The following RASA2 variants were observed in gnomAD, a reference collection of about 807,000 sequenced individuals.
RASA2 encodes ras GTPase-activating protein 2.
Under a neutral mutation model 118.2 loss-of-function variants are expected in RASA2, and 155 were observed. The ratio of observed to expected loss-of-function variants is 1.31; its 90% CI spans 1.15 to 1.50. RASA2 has a LOEUF of 1.50. Ranked by LOEUF, RASA2 falls within the 40% of genes most tolerant of loss-of-function variation. The probability of loss-of-function intolerance (pLI) is 0.00; values close to 1 mark genes in which losing one functional copy is unlikely to be tolerated. For synonymous variants in RASA2, 353 were observed against 349.1 expected (o/e 1.01, Z -0.12); for missense variants, 1,016 against 1,009.6 (o/e 1.01, Z -0.09).
At chr3:141,546,715 C>T (rs1394136937) in intron 5 of RASA2, among the ~76,000 whole-genome samples, 1 of 152,030 alleles carries the variant, frequency 6.6e-6, no homozygotes, top group East Asian at 1.9e-4. Context: ...TGTCTATTTT[C>T]GCTTTGGTTG....
intron 1 of RASA2, among the ~76,000 whole-genome samples, chr3:141,502,064 A>G (rs1430509288): frequency 6.6e-6 from 1 of 152,232 alleles, no homozygotes; most frequent in Non-Finnish European, 1.5e-5. Flanking sequence ...TCATTGGAGC[A>G]TTTCAGATTT....
chr3:141,576,695 C>G (rs533163205), intron 14 of RASA2, among the ~76,000 whole-genome samples: 37 of 152,250 alleles, frequency 2.4e-4, no homozygotes, highest in South Asian at 8.3e-4. Flanking sequence ...ACTTTTATTT[C>G]TGTTGTAATT....
chr3:141,600,394 G>T, intron 19 of RASA2: 1 of 479,406 alleles, frequency 2.1e-6, no homozygotes. Flanking sequence ...TCTGCTCAAT[G>T]TTCAAGATGA....
At chr3:141,518,092 G>A (rs1340066148) in intron 3 of RASA2, among the ~76,000 whole-genome samples, 1 of 152,102 alleles carries the variant, frequency 6.6e-6, no homozygotes, top group Non-Finnish European at 1.5e-5. Context: ...ATAGGCAGAG[G>A]TCTAATTTAC....
intron 5 of RASA2, among the ~76,000 whole-genome samples, chr3:141,544,056 A>T (rs1181887167): frequency 7.9e-5 from 12 of 151,390 alleles, no homozygotes. Flanking sequence ...TTACATTTTT[A>T]GTAGAAACAG....
rs1023885702 is a variant in RASA2, at chr3:141,509,577, T to C, written c.134-2586T>C. 5.9e-5 allele frequency among the ~76,000 whole-genome samples: 9 copies of C among 152,344 alleles called. No individual in the cohort carries two copies. The East Asian group carries it at 1.7e-3, about 29-fold the overall frequency. On this transcript the variant is annotated intron_variant, in intron 1 of 23. Transcript: ENST00000286364. ...ATTTTTTATATTTTAGGTCCTATAT[T>C]GCGACCTAGTTGGACTTTCGTTTAA... is the stretch of plus-strand genomic sequence containing the variant.
At chr3:141,600,485 A>G (rs1258272969) in intron 19 of RASA2, 3 of 323,916 alleles carry the variant, frequency 9.3e-6, no homozygotes, top group Non-Finnish European at 1.9e-5. Flanking sequence ...TCGGCGACCT[A>G]CTTGGTCACA....
intron 4 of RASA2, among the ~76,000 whole-genome samples, chr3:141,534,036 A>G (rs955415164): frequency 5.9e-5 from 9 of 152,002 alleles, no homozygotes; most frequent in African/African-American, 2.2e-4. Context: ...GTTATCATCT[A>G]TTTCATTTGG....
chr3:141,580,058 G>GAAA (rs1224245090), intron 15 of RASA2, among the ~76,000 whole-genome samples: 19 of 18,682 alleles, frequency 1.0e-3, no homozygotes, highest in Admixed American at 1.7e-3. Context: ...TCCATCTCAG[G>GAAA]AAAAAAAAAA....
chr3:141,488,077 G>A (rs1322309928), intron 1 of RASA2, among the ~76,000 whole-genome samples: 1 of 152,162 alleles, frequency 6.6e-6, no homozygotes, highest in Non-Finnish European at 1.5e-5. Flanking sequence ...TTTGCTCAGA[G>A]TTGTCCGAGC....
At chr3:141,588,009 T>C (rs1271377535) in intron 19 of RASA2, among the ~76,000 whole-genome samples, 1 of 152,230 alleles carries the variant, frequency 6.6e-6, no homozygotes, top group Non-Finnish European at 1.5e-5. Flanking sequence ...TAGATCAGAT[T>C]TCCTGTCTTT....
intron 19 of RASA2, among the ~76,000 whole-genome samples, chr3:141,592,816 G>GA (rs964937479): frequency 1.4e-5 from 2 of 147,562 alleles, no homozygotes; most frequent in East Asian, 4.0e-4. Context: ...TCTTTTTGAG[G>GA]AAAAAAAAGA....
intron 7 of RASA2, among the ~76,000 whole-genome samples, chr3:141,556,607 A>G (rs1256309373): frequency 1.3e-5 from 2 of 152,166 alleles, no homozygotes; most frequent in Non-Finnish European, 2.9e-5. Flanking sequence ...TTTGTTAAAG[A>G]AATCCTTTTT....
At position 141,487,211 on chromosome 3, in the gene RASA2, A is replaced by G. The variant is rs1179365941; in HGVS notation, c.128A>G (p.Lys43Arg). Residue 43 changes from lysine (K) to arginine (R), a missense_variant, in exon 1 of 24, where the codon AAG becomes AGG. Physicochemically the swap from Lys to Arg is conservative, Grantham distance 26 (BLOSUM62 2). This residue lies in a region of RASA2 where 896 missense variants were observed against 836.4 expected (regional missense o/e 1.07). Transcript: ENST00000286364. ...EVRVLQSLRGKICEAKNLLPY... is the reference protein window; with the variant it reads ...EVRVLQSLRGRICEAKNLLPY... ...CGAGTGTTGCAGAGCCTGCGGGGCA[A>G]GATCTGTAAGCGGGGGCTGGGCTGA... 5 of 1,424,162 alleles carry G rather than the reference A, an allele frequency of 3.5e-6. No individual in the cohort carries two copies. Among genetic ancestry groups the G allele is most frequent in the African/African-American group, 3.0e-5 (2 of 67,342 alleles). 88.2% of individuals were successfully genotyped at this position (1,424,162 alleles called of 1,614,324 possible).
chr3:141,604,563 A>C (rs765652837), intron 19 of RASA2, among the ~76,000 whole-genome samples: 1 of 151,970 alleles, frequency 6.6e-6, no homozygotes, highest in Non-Finnish European at 1.5e-5. Flanking sequence ...ACCTTTTTAC[A>C]TTATGTTTTA....
chr3:141,542,621 A>G (rs920459798), intron 5 of RASA2, among the ~76,000 whole-genome samples: 2 of 152,134 alleles, frequency 1.3e-5, no homozygotes, highest in Non-Finnish European at 2.9e-5. Context: ...TTGCATGACT[A>G]TAGCACAATA....
chr3:141,600,425 C>A, intron 19 of RASA2: 1 of 431,688 alleles, frequency 2.3e-6, no homozygotes, highest in South Asian at 1.8e-5. Context: ...GGACCTGCAG[C>A]CCCCGACCAC....
Position 141,526,257 on chromosome 3 carries a change from C to G in RASA2, c.356-3451C>G, listed in dbSNP as rs376193805. On this transcript the variant is annotated intron_variant, in intron 3 of 23. Coordinates refer to ENST00000286364, the MANE Select transcript of RASA2 (RefSeq NM_006506.5). Reference sequence around the variant, plus strand: ...CTTTTCTTTCAGTTCAGTGCTCTTTCCACTGTGTCGGGCTGCCTACCTTTT... The same window carrying G: ...CTTTTCTTTCAGTTCAGTGCTCTTTGCACTGTGTCGGGCTGCCTACCTTTT... The G allele has an allele frequency of 3.3e-5, 5 of 152,300 alleles. No homozygotes were observed. In the East Asian group the frequency reaches 9.6e-4, roughly 29 times the overall value. 9.4% of individuals were successfully genotyped at this position (152,300 alleles called of 1,614,324 possible).
intron 14 of RASA2, among the ~76,000 whole-genome samples, chr3:141,574,985 AT>A (rs1487201548): frequency 6.6e-6 from 1 of 152,222 alleles, no homozygotes; most frequent in Non-Finnish European, 1.5e-5. Flanking sequence ...TTTTCATAAA[AT>A]TAAGTGTTAC....
Sources: allele counts gnomAD v4.1 joint callset (sites outside exome capture counted in the v4.1 genomes callset), GRCh38; gene constraint gnomAD v4.1.1; regional missense constraint gnomAD v4.1.1; transcripts MANE v1.5; gene names NCBI Gene and HGNC (gene_info 2026-07-23, HGNC 2026-07-21).